AEBP2: variants seen among roughly 807,000 people sequenced by gnomAD.
AEBP2 encodes the protein AE binding protein 2.
Under a neutral mutation model 50.8 loss-of-function variants are expected in AEBP2, and 10 were observed. That is an observed-to-expected ratio of 0.20 (90% confidence interval 0.12 to 0.33). AEBP2 has a LOEUF of 0.33. AEBP2 is among the 10% of genes least tolerant of loss of function. The pLI, the probability that AEBP2 is intolerant of heterozygous loss-of-function variation, is 1.00. For missense variants in AEBP2, 570 were observed against 688.0 expected (o/e 0.83, Z 1.92); for synonymous variants, 296 against 261.3 (o/e 1.13, Z -1.28).
At chr12:19,443,859 ATT>A (rs149571853) in intron 1 of AEBP2, among the ~76,000 whole-genome samples, 1 of 152,142 alleles carries the variant, frequency 6.6e-6, no homozygotes, top group Non-Finnish European at 1.5e-5. Context: ...CAAAAAGTTG[ATT>A]TTTTTCCCCC....
intron 1 of AEBP2, 191 bp downstream of exon 1, chr12:19,440,561 C>T (rs1023325406): frequency 1.4e-6 from 2 of 1,403,270 alleles, no homozygotes; most frequent in South Asian, 3.1e-5. Context: ...CGGCTTCCAA[C>T]TCTCAAACCG....
chr12:19,500,339 CTTTTG>C (rs1053557257), intron 5 of AEBP2, 118 bp downstream of exon 5: 57 of 1,054,114 alleles, frequency 5.4e-5, no homozygotes, highest in Non-Finnish European at 2.5e-5. Flanking sequence ...ATCACAAAAC[CTTTTG>C]TTTTATCAGT....
intron 1 of AEBP2, chr12:19,419,156 AGCCATCAT>A (rs975255893): frequency 1.3e-5 from 2 of 154,880 alleles, no homozygotes; most frequent in African/African-American, 4.8e-5. Context: ...TCCCATACCC[AGCCATCAT>A]GCCTCTGGAG....
chr12:19,507,839 T>TA (rs1468258552), intron 5 of AEBP2, among the ~76,000 whole-genome samples: 2 of 152,192 alleles, frequency 1.3e-5, no homozygotes, highest in African/African-American at 2.4e-5. Context: ...CTGTTAGTAG[T>TA]AAAAAACATT....
At position 19,406,654 on chromosome 12, in the gene AEBP2, C is replaced by T. The variant is rs2095736452; in HGVS notation, c.-17+2438C>T. ...TGAGATTGCGCCATTGCACTCCAGCCTGGGCAGCAAGAGCGAAACTCTGTC... is the reference window on the plus strand; with the variant it reads ...TGAGATTGCGCCATTGCACTCCAGCTTGGGCAGCAAGAGCGAAACTCTGTC... On this transcript the variant is annotated intron_variant, in intron 1 of 3. Transcript: ENST00000538425. Among the ~76,000 whole-genome samples, 3 of 137,344 alleles carry T rather than the reference C, an allele frequency of 2.2e-5. No homozygotes were observed. The South Asian group carries it at 8.1e-4, about 37-fold the overall frequency. The allele number at this position is 137,344 out of a possible 152,430, so 90.1% of individuals were successfully genotyped here. A position where few individuals can be genotyped will look rare whatever the true frequency, so the allele number is the denominator to read the frequency against.
At chr12:19,517,574 G>A (rs75463696) in intron 7 of AEBP2, among the ~76,000 whole-genome samples, 3,278 of 152,320 alleles carry the variant, frequency 0.022, 42 homozygotes, top group East Asian at 0.043. Context: ...AAATACTGCT[G>A]TTTCCTTGGA....
intron 3 of AEBP2, among the ~76,000 whole-genome samples, chr12:19,481,476 CTTT>C (rs777141370): frequency 7.2e-6 from 1 of 137,960 alleles, no homozygotes; most frequent in Admixed American, 7.3e-5. Flanking sequence ...CTTTTCTTTT[CTTT>C]TTTTTTTTGT....
Position 19,439,562 on chromosome 12 carries a change from C to T in AEBP2, c.-138C>T. 2 of 1,167,228 alleles carry T rather than the reference C, an allele frequency of 1.7e-6. No homozygotes were observed. The highest frequency in any genetic ancestry group is 1.6e-5 in the African/African-American group (1 of 61,122). The allele number at this position is 1,167,228 out of a possible 1,614,324, so 72.3% of individuals were successfully genotyped here. On this transcript the variant is annotated 5_prime_UTR_variant, in exon 1 of 8. The change creates a new upstream start codon in the 5' untranslated region. Coordinates refer to ENST00000266508, the MANE Select transcript of AEBP2 (RefSeq NM_153207.5). ...GCTCCGTAGCGCGTGTGCAGGCTGA[C>T]GCAGCTCGCGGGCCCTCCTCCTGCT...
chr12:19,415,655 T>TCAATACAATACAATA (rs58109649), intron 1 of AEBP2, among the ~76,000 whole-genome samples: 5,407 of 131,912 alleles, frequency 0.041, 153 homozygotes, highest in East Asian at 0.07. Context: ...AGAGATTAAA[T>TCAATACAATACAATA]CAATACAATA....
upstream of AEBP2, among the ~76,000 whole-genome samples, chr12:19,436,548 G>C (rs1465533925): frequency 6.6e-6 from 1 of 150,892 alleles, no homozygotes; most frequent in Admixed American, 6.6e-5. Context: ...CCCCTTTCTG[G>C]TAACACTTTG....
At chr12:19,416,007 A>G (rs1039204824) in intron 1 of AEBP2, among the ~76,000 whole-genome samples, 1 of 152,112 alleles carries the variant, frequency 6.6e-6, no homozygotes, top group Non-Finnish European at 1.5e-5. Context: ...ACATAAGGAG[A>G]CACTGTCTCT....
At position 19,440,574 on chromosome 12, in the gene AEBP2, C is replaced by A. The variant is rs1202917878; in HGVS notation, c.671+204C>A. On this transcript the variant is annotated intron_variant, in intron 1 of 7. Coordinates refer to ENST00000266508, the MANE Select transcript of AEBP2 (RefSeq NM_153207.5). ...CGCGGCTTCCAACTCTCAAACCGTTCCCCCCCAACTCTCCTTTCCCCGCCC... is the reference window on the plus strand; with the variant it reads ...CGCGGCTTCCAACTCTCAAACCGTTACCCCCCAACTCTCCTTTCCCCGCCC... 4 of 1,416,358 alleles carry A rather than the reference C, an allele frequency of 2.8e-6. No individual in the cohort carries two copies. The South Asian group carries it at 4.4e-5, about 16-fold the overall frequency. 87.7% of individuals were successfully genotyped at this position (1,416,358 alleles called of 1,614,324 possible).
At chr12:19,428,310 G>A (rs1341159919) in intron 1 of AEBP2, among the ~76,000 whole-genome samples, 1 of 152,152 alleles carries the variant, frequency 6.6e-6, no homozygotes, top group East Asian at 1.9e-4. Context: ...CAGTCCACGG[G>A]GTGGATGGCA....
Position 19,519,026 on chromosome 12 carries a change from C to T in AEBP2, c.*909C>T, listed in dbSNP as rs891248569. On this transcript the variant is annotated 3_prime_UTR_variant, in exon 8 of 8. Coordinates refer to ENST00000266508, the MANE Select transcript of AEBP2 (RefSeq NM_153207.5). ...AAAATTGTATTTTTTTTACAAGTAT[C>T]TTCAAACTGAATCTTTTATGCACCA... 2 of 175,182 alleles carry T rather than the reference C, an allele frequency of 1.1e-5. No individual in the cohort carries two copies. The highest frequency in any genetic ancestry group is 6.3e-5 in the Admixed American group (1 of 15,932). The allele number at this position is 175,182 out of a possible 1,614,324, so 10.9% of individuals were successfully genotyped here. A position where few individuals can be genotyped will look rare whatever the true frequency, so the allele number is the denominator to read the frequency against.
At chr12:19,417,297 A>C (rs2095743159) in intron 1 of AEBP2, among the ~76,000 whole-genome samples, 1 of 152,188 alleles carries the variant, frequency 6.6e-6, no homozygotes, top group Admixed American at 6.5e-5. Flanking sequence ...CTTTTCTTTG[A>C]AACATCAGAC....
upstream of AEBP2, among the ~76,000 whole-genome samples, chr12:19,438,977 G>C (rs571984652): frequency 1.3e-5 from 2 of 152,120 alleles, no homozygotes; most frequent in Non-Finnish European, 2.9e-5. Context: ...AATTGTTTTA[G>C]AAGGCTCATG....
At chr12:19,438,356 A>G (rs367893533), upstream of AEBP2, among the ~76,000 whole-genome samples, 12 of 152,362 alleles carry the variant, frequency 7.9e-5, no homozygotes, top group East Asian at 2.1e-3. Flanking sequence ...TGGCATTACT[A>G]TAACAAAACT....
intron 1 of AEBP2, among the ~76,000 whole-genome samples, chr12:19,420,781 G>T (rs1284592139): frequency 6.6e-6 from 1 of 151,696 alleles, no homozygotes; most frequent in Non-Finnish European, 1.5e-5. Context: ...GACCTTCCTG[G>T]CAAAATGCTG....
chr12:19,517,593 T>C (rs893732202), intron 7 of AEBP2, among the ~76,000 whole-genome samples: 1 of 152,244 alleles, frequency 6.6e-6, no homozygotes, highest in Admixed American at 6.5e-5. Context: ...GATTTTGGAA[T>C]CTGCAGGGGA....
Sources: allele counts gnomAD v4.1 joint callset (sites outside exome capture counted in the v4.1 genomes callset), GRCh38; gene constraint gnomAD v4.1.1; transcripts MANE v1.5; gene names NCBI Gene and HGNC (gene_info 2026-07-23, HGNC 2026-07-21).